Variants in RAD51B observed in about 807,000 individuals in gnomAD.
RAD51B encodes DNA repair protein RAD51 homolog 2.
RAD51B carries 38 observed loss-of-function variants against 42.2 expected under a neutral mutation model. That is an observed-to-expected ratio of 0.90 (90% CI 0.70 to 1.18). The LOEUF is 1.18. Ranked by LOEUF, RAD51B falls within the 50% of genes most tolerant of loss-of-function variation. RAD51B has a pLI of 0.00. For missense variants in RAD51B, 373 were observed against 400.7 expected, an observed-to-expected ratio of 0.93 and a Z score of 0.59; for synonymous variants, 154 against 145.2, an observed-to-expected ratio of 1.06 and a Z score of -0.43.
chr14:68,273,170 G>GAGATTAACTGGTGGTTATGATTTTGC (rs1401114733), intron 7 of RAD51B, among the ~76,000 whole-genome samples: 13 of 152,102 alleles, frequency 8.5e-5, no homozygotes, highest in Non-Finnish European at 1.5e-4. Flanking sequence ...GGGAATAACT[G>GAGATTAACTGGTGGTTATGATTTTGC]AGATTAACTG....
At chr14:68,515,618 T>G (rs1439094860) in intron 10 of RAD51B, among the ~76,000 whole-genome samples, 2 of 151,392 alleles carry the variant, frequency 1.3e-5, no homozygotes, top group Non-Finnish European at 2.9e-5. Context: ...CTGGCTTTTT[T>G]TTTTTTCTTT....
chr14:67,935,600 C>T (rs1417344891), intron 7 of RAD51B, among the ~76,000 whole-genome samples: 2 of 152,170 alleles, frequency 1.3e-5, no homozygotes, highest in Non-Finnish European at 1.5e-5. Flanking sequence ...TCCCTGGCCT[C>T]AAGGGATCCT....
chr14:68,549,491 CT>C (rs1888415939), intron 10 of RAD51B, among the ~76,000 whole-genome samples: 1 of 134,718 alleles, frequency 7.4e-6, no homozygotes. Context: ...TCTCGACTCA[CT>C]GCAAGCTCCG....
chr14:68,551,130 A>C, intron 10 of RAD51B, among the ~76,000 whole-genome samples: 1 of 151,936 alleles, frequency 6.6e-6, no homozygotes, highest in Non-Finnish European at 1.5e-5. Flanking sequence ...CCTCCTCAGC[A>C]CTCACTACCC....
At chr14:68,081,966 T>G (rs571088128) in intron 7 of RAD51B, among the ~76,000 whole-genome samples, 1 of 152,284 alleles carries the variant, frequency 6.6e-6, no homozygotes, top group Admixed American at 6.5e-5. Flanking sequence ...TTCTTTTTCT[T>G]TTTCTTTTTT....
At chr14:68,208,366 A>G (rs908524245) in intron 7 of RAD51B, among the ~76,000 whole-genome samples, 1 of 152,204 alleles carries the variant, frequency 6.6e-6, no homozygotes, top group Non-Finnish European at 1.5e-5. Context: ...TACTGGCATC[A>G]TTTTGACTGC....
intron 7 of RAD51B, among the ~76,000 whole-genome samples, chr14:68,082,129 TC>T (rs1241447660): frequency 3.3e-5 from 5 of 151,952 alleles, no homozygotes; most frequent in Admixed American, 1.3e-4. Context: ...CCTGGCTAAT[TC>T]TTTGTGGTTT....
At chr14:68,173,520 C>T (rs1437015481) in intron 7 of RAD51B, among the ~76,000 whole-genome samples, 1 of 152,182 alleles carries the variant, frequency 6.6e-6, no homozygotes, top group Non-Finnish European at 1.5e-5. Flanking sequence ...GTGACAAGAA[C>T]GAGTGACTAT....
intron 7 of RAD51B, among the ~76,000 whole-genome samples, chr14:68,152,294 C>T (rs528437391): frequency 1.3e-5 from 2 of 152,248 alleles, no homozygotes; most frequent in South Asian, 4.1e-4. Context: ...CCTTATCAGA[C>T]CACATATATG....
At chr14:68,242,386 A>G (rs2080408064) in intron 7 of RAD51B, among the ~76,000 whole-genome samples, 1 of 152,168 alleles carries the variant, frequency 6.6e-6, no homozygotes, top group African/African-American at 2.4e-5. Context: ...AGCTACTAAC[A>G]CATCTTGTTT....
intron 7 of RAD51B, among the ~76,000 whole-genome samples, chr14:68,284,551 A>G (rs925666236): frequency 6.6e-6 from 1 of 152,208 alleles, no homozygotes; most frequent in African/African-American, 2.4e-5. Flanking sequence ...TGTTTTCTTC[A>G]AGCCAAATTG....
At chr14:67,980,952 G>A (rs928438446) in intron 7 of RAD51B, among the ~76,000 whole-genome samples, 19 of 152,094 alleles carry the variant, frequency 1.2e-4, no homozygotes, top group African/African-American at 4.6e-4. Context: ...ACAGATTTGT[G>A]GAGATGATAT....
chr14:67,888,931 T>A (rs2043140498), intron 7 of RAD51B, among the ~76,000 whole-genome samples: 1 of 152,190 alleles, frequency 6.6e-6, no homozygotes, highest in South Asian at 2.1e-4. Context: ...CTTGACTTAA[T>A]TCCGTGCAAA....
chr14:67,961,912 A>G (rs2074676948), intron 7 of RAD51B, among the ~76,000 whole-genome samples: 1 of 152,222 alleles, frequency 6.6e-6, no homozygotes, highest in East Asian at 1.9e-4. Flanking sequence ...AAAGTTAGAT[A>G]AAAGCCTTTT....
intron 7 of RAD51B, among the ~76,000 whole-genome samples, chr14:68,041,561 C>T (rs1377319511): frequency 6.6e-6 from 1 of 151,786 alleles, no homozygotes; most frequent in Non-Finnish European, 1.5e-5. Flanking sequence ...CATTTATACT[C>T]TCTTTTTTTT....
intron 7 of RAD51B, among the ~76,000 whole-genome samples, chr14:68,194,978 A>T (rs1434455990): frequency 6.6e-6 from 1 of 152,082 alleles, no homozygotes; most frequent in Non-Finnish European, 1.5e-5. Context: ...ATTTTACTCC[A>T]TTCATTAATT....
At chr14:67,889,209 G>A (rs1184529570) in intron 7 of RAD51B, among the ~76,000 whole-genome samples, 2 of 151,498 alleles carry the variant, frequency 1.3e-5, no homozygotes, top group Non-Finnish European at 2.9e-5. Context: ...AATTAAGATT[G>A]TAAGATTGGT....
chr14:68,133,295 C>A (rs17105020), intron 7 of RAD51B, among the ~76,000 whole-genome samples: 1 of 152,154 alleles, frequency 6.6e-6, no homozygotes, highest in Non-Finnish European at 1.5e-5. Context: ...AAGGATTACT[C>A]TGTTTGGAAA....
intron 11 of RAD51B, among the ~76,000 whole-genome samples, chr14:68,666,062 G>C: frequency 6.6e-6 from 1 of 152,220 alleles, no homozygotes; most frequent in East Asian, 1.9e-4. Flanking sequence ...GAGAGGTATA[G>C]AGCTGGAATT....
Sources: allele counts gnomAD v4.1 joint callset (sites outside exome capture counted in the v4.1 genomes callset), GRCh38; gene constraint gnomAD v4.1.1; transcripts MANE v1.5; gene names NCBI Gene and HGNC (gene_info 2026-07-23, HGNC 2026-07-21).